Variants in CREBBP observed in about 807,000 individuals in gnomAD.
CREBBP encodes the protein CREB-binding protein.
Under a neutral mutation model 265.0 loss-of-function variants are expected in CREBBP, and 19 were observed. The ratio of observed to expected loss-of-function variants is 0.07; its 90% CI spans 0.05 to 0.11. CREBBP has a LOEUF of 0.11. Ranked by LOEUF, CREBBP falls within the 10% of genes least tolerant of loss-of-function variation. The pLI is 1.00. For missense variants in CREBBP, 2,525 were observed against 3,219.0 expected (o/e 0.78, Z 5.22); for synonymous variants, 1,457 against 1,223.7 (o/e 1.19, Z -3.98).
chr16:3,740,052 C>G (rs952505190), intron 24 of CREBBP, among the ~76,000 whole-genome samples: 20 of 152,214 alleles, frequency 1.3e-4, no homozygotes, highest in African/African-American at 4.3e-4. Context: ...TGGACAGTAT[C>G]AACCTCTATG....
intron 1 of CREBBP, among the ~76,000 whole-genome samples, chr16:3,859,513 C>G (rs2055029778): frequency 6.6e-6 from 1 of 152,152 alleles, no homozygotes; most frequent in South Asian, 2.1e-4. Context: ...TTTTCGTATG[C>G]TCACGAATTG....
At chr16:3,740,607 C>T in intron 23 of CREBBP, 58 bp from the exon 24 acceptor site, 2 of 1,600,678 alleles carry the variant, frequency 1.2e-6, no homozygotes, top group Non-Finnish European at 1.7e-6. Flanking sequence ...GAGACAGTGA[C>T]TGAGACTAGA....
At chr16:3,761,446 G>A (rs1480662685) in intron 16 of CREBBP, 1 of 484,366 alleles carries the variant, frequency 2.1e-6, no homozygotes, top group African/African-American at 2.0e-5. Context: ...TTCCTAACTG[G>A]TGAAAGCAAA....
chr16:3,781,777 A>T (rs1267669996), intron 6 of CREBBP, among the ~76,000 whole-genome samples: 1 of 152,204 alleles, frequency 6.6e-6, no homozygotes, highest in Non-Finnish European at 1.5e-5. Context: ...AAAGGAAACG[A>T]AAGCTGAGAC....
chr16:3,735,416 C>A (rs947755886), intron 28 of CREBBP, among the ~76,000 whole-genome samples: 1 of 152,192 alleles, frequency 6.6e-6, no homozygotes, highest in African/African-American at 2.4e-5. Context: ...CCTGCCTCAA[C>A]CTCCCTCGTA....
intron 1 of CREBBP, among the ~76,000 whole-genome samples, chr16:3,863,817 G>C (rs543300295): frequency 1.6e-4 from 25 of 152,296 alleles, no homozygotes; most frequent in African/African-American, 5.8e-4. Context: ...GTGGGGACAA[G>C]GGTGGAATGG....
At chr16:3,785,971 A>G (rs1270136372) in intron 5 of CREBBP, among the ~76,000 whole-genome samples, 1 of 152,198 alleles carries the variant, frequency 6.6e-6, no homozygotes, top group Non-Finnish European at 1.5e-5. Context: ...GAAGGAGCCT[A>G]TGACCTATGA....
intron 1 of CREBBP, among the ~76,000 whole-genome samples, chr16:3,851,460 TTAAA>T (rs750351504): frequency 1.1e-4 from 16 of 152,162 alleles, no homozygotes; most frequent in Non-Finnish European, 1.6e-4. Flanking sequence ...AAAACAATAA[TTAAA>T]TAGTGTGGTG....
At chr16:3,751,502 G>A (rs2052472501) in intron 20 of CREBBP, among the ~76,000 whole-genome samples, 1 of 152,174 alleles carries the variant, frequency 6.6e-6, no homozygotes, top group Admixed American at 6.6e-5. Flanking sequence ...TGAGAAAGGA[G>A]GATCGCTTGA....
chr16:3,831,066 C>G (rs2054334078), intron 2 of CREBBP, among the ~76,000 whole-genome samples: 1 of 152,214 alleles, frequency 6.6e-6, no homozygotes, highest in Admixed American at 6.5e-5. Flanking sequence ...AGGCATGAGA[C>G]ACTGCGCCTG....
chr16:3,813,336 C>T lies in CREBBP; in HGVS notation c.799-2557G>A, dbSNP rs772966294. On this transcript the variant is annotated intron_variant, in intron 2 of 30. Transcript: ENST00000262367. Reference sequence around the variant, plus strand: ...CAAGTCCACAAACCAGACTCAATTTCGAGTTCAAATGACTTAATCTAGGCA... The same window carrying T: ...CAAGTCCACAAACCAGACTCAATTTTGAGTTCAAATGACTTAATCTAGGCA... 1.1e-4 allele frequency among the ~76,000 whole-genome samples: 16 copies of T among 152,152 alleles called. 1 individual carries two copies. The highest frequency in any genetic ancestry group is 4.1e-4 in the South Asian group (2 of 4,830).
intron 26 of CREBBP, among the ~76,000 whole-genome samples, chr16:3,737,941 C>G (rs1402931429): frequency 1.3e-5 from 2 of 151,922 alleles, no homozygotes; most frequent in South Asian, 2.1e-4. Context: ...GCTCATGCTA[C>G]TATGCCCGGC....
chr16:3,739,612 C>G lies in CREBBP; in HGVS notation c.4246G>C (p.Glu1416Gln), dbSNP rs2151336773. The change falls in exon 25 of 31, where the codon GAA becomes CAA. Residue 1416 changes from glutamate to glutamine, a missense_variant. Coordinates refer to ENST00000262367, the MANE Select transcript of CREBBP (RefSeq NM_004380.3). ...DVCFFGMHVQ[E>Q]YGSDCPPPNT... is the part of the protein sequence containing the mutation. Reference sequence around the variant, plus strand: ...GGAGGGGGGCAATCAGAGCCGTATTCTTGGACGTGCATTCCAAAAAAGCAG... The same window carrying G: ...GGAGGGGGGCAATCAGAGCCGTATTGTTGGACGTGCATTCCAAAAAAGCAG... 6.2e-7 allele frequency: 1 copy of G among 1,614,204 alleles called. No individual in the cohort carries two copies.
At chr16:3,875,804 G>A (rs192182403) in intron 1 of CREBBP, among the ~76,000 whole-genome samples, 78 of 152,234 alleles carry the variant, frequency 5.1e-4, no homozygotes, top group African/African-American at 1.6e-3. Flanking sequence ...CTCACAGGAC[G>A]CTGTAAGGAT....
At chr16:3,752,216 A>T (rs566576374) in intron 19 of CREBBP, among the ~76,000 whole-genome samples, 34 of 152,310 alleles carry the variant, frequency 2.2e-4, no homozygotes, top group Non-Finnish European at 3.7e-4. Flanking sequence ...AGGAATCTGA[A>T]TTTTGTTCTT....
Position 3,727,274 on chromosome 16 carries a change from G to A in CREBBP, c.*444C>T, listed in dbSNP as rs190213642. ...ACAAAGTTATCGGGATACATTATAAGCTTGCATTATTTCAGGAATCAGTTC... is the reference window on the plus strand; with the variant it reads ...ACAAAGTTATCGGGATACATTATAAACTTGCATTATTTCAGGAATCAGTTC... On this transcript the variant is annotated 3_prime_UTR_variant, in exon 31 of 31. Transcript: ENST00000262367. 3.8e-6 allele frequency: 1 copy of A among 265,622 alleles called. No individual in the cohort carries two copies. Among genetic ancestry groups the A allele is most frequent in the East Asian group, 5.9e-5 (1 of 16,960 alleles). The allele number at this position is 265,622 out of a possible 1,614,324, so 16.5% of individuals were successfully genotyped here.
chr16:3,872,700 G>A (rs191611484), intron 1 of CREBBP, among the ~76,000 whole-genome samples: 84 of 152,350 alleles, frequency 5.5e-4, no homozygotes, highest in Admixed American at 1.1e-3. Flanking sequence ...TAGGAGAGAC[G>A]GGACAACCAG....
chr16:3,754,516 G>A (rs2052544592), intron 19 of CREBBP, among the ~76,000 whole-genome samples: 1 of 123,184 alleles, frequency 8.1e-6, no homozygotes, highest in Non-Finnish European at 1.6e-5. Context: ...ATAATCCAGT[G>A]ATGATGCATT....
At chr16:3,863,278 T>C (rs897043960) in intron 1 of CREBBP, among the ~76,000 whole-genome samples, 1 of 152,182 alleles carries the variant, frequency 6.6e-6, no homozygotes, top group Admixed American at 6.5e-5. Flanking sequence ...CTTCGCTGAA[T>C]GATTACTATT....
Sources: allele counts gnomAD v4.1 joint callset (sites outside exome capture counted in the v4.1 genomes callset), GRCh38; gene constraint gnomAD v4.1.1; transcripts MANE v1.5; gene names NCBI Gene and HGNC (gene_info 2026-07-23, HGNC 2026-07-21).